Variants in ZHX3 observed in about 807,000 individuals in gnomAD.
The protein encoded by ZHX3 is zinc fingers and homeoboxes 3, also known as zinc fingers and homeoboxes protein 3.
A neutral mutation model predicts 64.5 loss-of-function variants in ZHX3; 20 were observed. That is an observed-to-expected ratio of 0.31 (90% CI 0.22 to 0.45). ZHX3 has a LOEUF of 0.45. ZHX3 is among the 20% of genes least tolerant of loss of function. The pLI is 1.00. For synonymous variants in ZHX3, 423 were observed against 461.6 expected (o/e 0.92, Z 1.07); for missense variants, 1,041 against 1,195.8 (o/e 0.87, Z 1.91).
At chr20:41,247,649 A>G (rs2041776165) in intron 2 of ZHX3, among the ~76,000 whole-genome samples, 1 of 152,058 alleles carries the variant, frequency 6.6e-6, no homozygotes, top group African/African-American at 2.4e-5. Flanking sequence ...ACCCTGAGTA[A>G]GGTTTTGCAG....
In ZHX3 at chr20:41,287,654, T is replaced by C. The variant is rs1241699767; in HGVS notation, c.-244-18571A>G. ...AGGCATCCCTATAGATGGGTACTTA[T>C]GGTGAGAGACTGAGGCCTAGCAACA... On this transcript the variant is annotated intron_variant, in intron 1 of 3. Transcript: ENST00000683867. Among the ~76,000 whole-genome samples the C allele has an allele frequency of 7.9e-5, 12 of 152,204 alleles. No individual in the cohort carries two copies. In the South Asian group the frequency reaches 8.3e-4, roughly 11 times the overall value.
chr20:41,286,979 G>A (rs563155307), intron 1 of ZHX3, among the ~76,000 whole-genome samples: 39 of 152,286 alleles, frequency 2.6e-4, no homozygotes, highest in African/African-American at 7.2e-4. Flanking sequence ...ACTGTAAGTT[G>A]AGGCCTCATC....
In ZHX3 at chr20:41,183,867, C is replaced by A. The variant is rs1417188460; in HGVS notation, c.*1324G>T. ...CAAGTTTTCTAATTTTCAAAGGCAC[C>A]ATTTCCTGTAATTTTCTCAATTCAA... On this transcript the variant is annotated 3_prime_UTR_variant, in exon 4 of 4. Coordinates refer to ENST00000683867, the MANE Select transcript of ZHX3 (RefSeq NM_001384317.1). The surrounding 1 kb of genome is among the most constrained non-coding windows in gnomAD (Gnocchi z 5.3). 4 of 152,182 alleles carry A rather than the reference C, an allele frequency of 2.6e-5. No individual in the cohort carries two copies. The South Asian group carries it at 6.2e-4, about 24-fold the overall frequency. The allele number at this position is 152,182 out of a possible 1,614,324, so 9.4% of individuals were successfully genotyped here. A position where few individuals can be genotyped will look rare whatever the true frequency, so the allele number is the denominator to read the frequency against.
At chr20:41,192,622 A>G (rs1232073231) in intron 3 of ZHX3, among the ~76,000 whole-genome samples, 3 of 152,222 alleles carry the variant, frequency 2.0e-5, no homozygotes, top group African/African-American at 7.2e-5. Flanking sequence ...CTTCAGCCCC[A>G]GCTGCAGTAA....
At chr20:41,267,005 T>C (rs999479082) in intron 2 of ZHX3, among the ~76,000 whole-genome samples, 2 of 151,708 alleles carry the variant, frequency 1.3e-5, no homozygotes, top group African/African-American at 4.8e-5. Flanking sequence ...CCACCATGCC[T>C]GATAATTTTT....
At chr20:41,276,712 G>A (rs1349822564) in intron 1 of ZHX3, among the ~76,000 whole-genome samples, 1 of 152,152 alleles carries the variant, frequency 6.6e-6, no homozygotes, top group Non-Finnish European at 1.5e-5. Flanking sequence ...TAAGCGCCTG[G>A]AAACATGCCC....
At chr20:41,293,277 C>T (rs1364061754) in intron 1 of ZHX3, among the ~76,000 whole-genome samples, 4 of 152,196 alleles carry the variant, frequency 2.6e-5, no homozygotes, top group African/African-American at 4.8e-5. Flanking sequence ...TGCATTTTAA[C>T]CAAATTCCCA....
intron 2 of ZHX3, among the ~76,000 whole-genome samples, chr20:41,247,080 G>C (rs967435488): frequency 1.3e-5 from 2 of 152,106 alleles, no homozygotes; most frequent in African/African-American, 4.8e-5. Flanking sequence ...GGACAACATG[G>C]CAAAACCTTG....
chr20:41,190,010 T>C (rs1020084826), intron 3 of ZHX3, among the ~76,000 whole-genome samples: 1 of 152,218 alleles, frequency 6.6e-6, no homozygotes, highest in African/African-American at 2.4e-5. Flanking sequence ...TGAGTGTTTT[T>C]TTTTTATCAT....
chr20:41,201,460 G>A lies in ZHX3; in HGVS notation c.2860+597C>T, dbSNP rs1386554653. 2.6e-6 allele frequency: 3 copies of A among 1,152,566 alleles called. No individual in the cohort carries two copies. In the African/African-American group the frequency reaches 4.8e-5, roughly 18 times the overall value. 71.4% of individuals were successfully genotyped at this position (1,152,566 alleles called of 1,614,324 possible). ...GTCTTAAATAAAAATAATCTTCTATGATACATTTTGCTTTCGAGTACAATC... is the reference window on the plus strand; with the variant it reads ...GTCTTAAATAAAAATAATCTTCTATAATACATTTTGCTTTCGAGTACAATC... On this transcript the variant is annotated intron_variant, in intron 3 of 3. Transcript: ENST00000683867. The surrounding 1 kb of genome is among the most constrained non-coding windows in gnomAD (Gnocchi z 5.0).
At chr20:41,274,791 C>A (rs2043304552) in intron 1 of ZHX3, among the ~76,000 whole-genome samples, 1 of 152,198 alleles carries the variant, frequency 6.6e-6, no homozygotes, top group Non-Finnish European at 1.5e-5. Flanking sequence ...TCAGTTTGCA[C>A]CTCCTGTCAA....
At chr20:41,266,781 G>A (rs1421253346) in intron 2 of ZHX3, among the ~76,000 whole-genome samples, 1 of 149,934 alleles carries the variant, frequency 6.7e-6, no homozygotes, top group African/African-American at 2.5e-5. Context: ...TCCTGACGTC[G>A]TGATCTGCCT....
At chr20:41,303,663 C>T (rs577789683) in intron 1 of ZHX3, among the ~76,000 whole-genome samples, 1 of 152,306 alleles carries the variant, frequency 6.6e-6, no homozygotes, top group Admixed American at 6.5e-5. Context: ...TGCTACTGGC[C>T]ATCTCCTGTG....
chr20:41,204,361 T>C lies in ZHX3; in HGVS notation c.556A>G (p.Ile186Val). ...GCTTTGCCTTTCATTATCTTCATGA[T>C]TGGAGTTTTGGTAATGATGATTTCT... Reference protein sequence around the residue: ...QAEIIITKTPIMKIMKGKAEA... With the variant: ...QAEIIITKTPVMKIMKGKAEA... The change falls in exon 3 of 4, where the codon ATC (isoleucine) becomes GTC (valine). Residue 186 changes from isoleucine (I) to valine (V), a missense_variant. By Grantham distance (29) the Ile-to-Val change is conservative (BLOSUM62 3). Around this residue, in one of 4 missense-constraint regions of ZHX3, gnomAD observed 358 missense variants for 369.1 expected, o/e 0.97. Coordinates refer to ENST00000683867, the MANE Select transcript of ZHX3 (RefSeq NM_001384317.1). The surrounding 1 kb of genome is among the most constrained non-coding windows in gnomAD (Gnocchi z 6.6). The C allele has an allele frequency of 1.2e-6, 2 of 1,614,180 alleles. No homozygotes were observed. The highest frequency in any genetic ancestry group is 1.7e-6 in the Non-Finnish European group (2 of 1,180,036).
chr20:41,278,475 A>ATATTGG (rs1305955150), intron 1 of ZHX3, among the ~76,000 whole-genome samples: 1 of 141,276 alleles, frequency 7.1e-6, no homozygotes, highest in Admixed American at 7.1e-5. Flanking sequence ...CATACTGCAC[A>ATATTGG]TATTGGTATT....
chr20:41,242,379 T>C (rs2041437795), intron 2 of ZHX3, among the ~76,000 whole-genome samples: 1 of 152,160 alleles, frequency 6.6e-6, no homozygotes, highest in Non-Finnish European at 1.5e-5. Flanking sequence ...CCACAGCACA[T>C]CTGGCTGACA....
chr20:41,222,073 A>T (rs1317995487), intron 2 of ZHX3, among the ~76,000 whole-genome samples: 1 of 152,214 alleles, frequency 6.6e-6, no homozygotes, highest in South Asian at 2.1e-4. Flanking sequence ...CTATGTTGAG[A>T]ACAGACTGTA....
intron 1 of ZHX3, among the ~76,000 whole-genome samples, chr20:41,279,272 C>T (rs2043549032): frequency 6.6e-6 from 1 of 152,124 alleles, no homozygotes; most frequent in Non-Finnish European, 1.5e-5. Context: ...CTTTTACATC[C>T]TTGTTAGCAT....
At chr20:41,251,124 GAACAGAAAAC>G (rs2041971672) in intron 2 of ZHX3, among the ~76,000 whole-genome samples, 1 of 151,498 alleles carries the variant, frequency 6.6e-6, no homozygotes, top group Non-Finnish European at 1.5e-5. Context: ...CATCAAAAGG[GAACAGAAAAC>G]AACAGAAAAG....
Sources: allele counts gnomAD v4.1 joint callset (sites outside exome capture counted in the v4.1 genomes callset), GRCh38; gene constraint gnomAD v4.1.1; regional missense constraint gnomAD v4.1.1; non-coding constraint Gnocchi (gnomAD v3.1); transcripts MANE v1.5; gene names NCBI Gene and HGNC (gene_info 2026-07-23, HGNC 2026-07-21).